The following DPP10 variants were observed in gnomAD, a reference collection of about 807,000 sequenced individuals.
DPP10 encodes the protein inactive dipeptidyl peptidase 10.
A neutral mutation model predicts 120.9 loss-of-function variants in DPP10; 33 were observed. The ratio of observed to expected loss-of-function variants is 0.27; its 90% confidence interval spans 0.21 to 0.37. The LOEUF is 0.37. Ranked by LOEUF, DPP10 falls within the 10% of genes least tolerant of loss-of-function variation. DPP10 has a pLI of 1.00. For missense variants in DPP10, 816 were observed against 942.8 expected (o/e 0.87, Z 1.76); for synonymous variants, 337 against 326.1 (o/e 1.03, Z -0.36).
chr2:115,289,347 G>A lies in DPP10; in HGVS notation c.61-19892G>A, dbSNP rs1031234332. On this transcript the variant is annotated intron_variant, in intron 1 of 25. Transcript: ENST00000410059. ...GAAAAGCATCCCATGCTCATGCATT[G>A]GAAGAATCAATATTGTGAAAATGGC... Among the ~76,000 whole-genome samples the A allele has an allele frequency of 4.0e-5, 6 of 151,868 alleles. 1 individual carries two copies. The highest frequency in any genetic ancestry group is 1.5e-4 in the African/African-American group (6 of 41,364).
At position 114,455,156 on chromosome 2, in the gene DPP10, T is replaced by TTTTGTGTG. The variant is rs1553443770; in HGVS notation, c.60+12319_60+12320insTTGTGTGT. On this transcript the variant is annotated intron_variant, in intron 1 of 25. Coordinates refer to ENST00000410059, the MANE Select transcript of DPP10 (RefSeq NM_020868.6). ...GTTTTTTCAAGGGATTTTCTTTCTATTGTGTGTGTGTGTGTGTGTGTGTGT... is the reference window on the plus strand; with the variant it reads ...GTTTTTTCAAGGGATTTTCTTTCTATTTTGTGTGTGTGTGTGTGTGTGTGTGTGTGTGT... Among the ~76,000 whole-genome samples, 1,106 of 147,490 alleles carry TTTTGTGTG rather than the reference T, an allele frequency of 7.5e-3. 14 individuals are homozygous for TTTTGTGTG. The highest frequency in any genetic ancestry group is 0.026 in the African/African-American group (1,035 of 39,910).
chr2:115,777,228 C>G lies in DPP10; in HGVS notation c.1242C>G (p.Thr414=), dbSNP rs201691746. 6.2e-7 allele frequency: 1 copy of G among 1,612,754 alleles called. No individual in the cohort carries two copies. Among genetic ancestry groups the G allele is most frequent in the Admixed American group, 1.7e-5 (1 of 59,874 alleles). ...TGCAGAGTAAAAGTGAGCAAATTAC[C>G]GTGCGGCATCTGACATCAGGAAACT... is the stretch of plus-strand genomic sequence containing the variant. ...FLIQSKSEQI[T]VRHLTSGNWE... The change falls in exon 14 of 26, where the codon ACC becomes ACG. Residue 414 remains threonine, a synonymous_variant. Transcript: ENST00000410059.
intron 5 of DPP10, among the ~76,000 whole-genome samples, chr2:115,592,780 A>G (rs1461109086): frequency 6.6e-6 from 1 of 151,856 alleles, no homozygotes; most frequent in Non-Finnish European, 1.5e-5. Context: ...AAGAAAGAAA[A>G]AAGAAAGAAA....
intron 1 of DPP10, among the ~76,000 whole-genome samples, chr2:115,283,845 C>T (rs2060258389): frequency 6.6e-6 from 1 of 151,920 alleles, no homozygotes; most frequent in Non-Finnish European, 1.5e-5. Flanking sequence ...AAGTACTTAC[C>T]AAGTGTTACA....
rs2073569534 is a variant in DPP10 at position 115,456,650 on chromosome 2, G to A, written c.272-42860G>A. Among the ~76,000 whole-genome samples, 3 of 152,106 alleles carry A rather than the reference G, an allele frequency of 2.0e-5. No individual in the cohort carries two copies. The South Asian group carries it at 6.2e-4, about 32-fold the overall frequency. Reference sequence around the variant, plus strand: ...CAGCCATAAAAAACGATGAGTTCCTGTCCTTTGGAGGGACATGGATGAAGC... The same window carrying A: ...CAGCCATAAAAAACGATGAGTTCCTATCCTTTGGAGGGACATGGATGAAGC... On this transcript the variant is annotated intron_variant, in intron 3 of 25. Coordinates refer to ENST00000410059, the MANE Select transcript of DPP10 (RefSeq NM_020868.6).
chr2:114,864,305 C>T (rs544223031), intron 1 of DPP10, among the ~76,000 whole-genome samples: 3 of 152,168 alleles, frequency 2.0e-5, no homozygotes, highest in Non-Finnish European at 2.9e-5. Flanking sequence ...TATCCAGGCA[C>T]TGCTCCAGCT....
At chr2:115,345,170 A>G (rs150117872) in intron 3 of DPP10, among the ~76,000 whole-genome samples, 4 of 152,326 alleles carry the variant, frequency 2.6e-5, no homozygotes, top group Non-Finnish European at 4.4e-5. Flanking sequence ...ATTGAAATCA[A>G]TTGGAAGATA....
intron 1 of DPP10, among the ~76,000 whole-genome samples, chr2:115,027,184 T>G (rs2105216917): frequency 6.6e-6 from 1 of 152,326 alleles, no homozygotes; most frequent in Non-Finnish European, 1.5e-5. Context: ...ATGTTGGTTT[T>G]TGTATCCTGC....
At chr2:115,774,051 TG>T (rs1276689185) in intron 13 of DPP10, among the ~76,000 whole-genome samples, 1 of 152,106 alleles carries the variant, frequency 6.6e-6, no homozygotes, top group Non-Finnish European at 1.5e-5. Flanking sequence ...AGAGATCTTT[TG>T]GTCCTACACT....
At chr2:115,093,798 G>A (rs185047287) in intron 1 of DPP10, among the ~76,000 whole-genome samples, 3 of 152,128 alleles carry the variant, frequency 2.0e-5, no homozygotes, top group Admixed American at 2.0e-4. Flanking sequence ...GTATTTTATT[G>A]TTCTGCTAAA....
intron 5 of DPP10, among the ~76,000 whole-genome samples, chr2:115,682,785 G>T (rs927256856): frequency 2.0e-5 from 3 of 151,762 alleles, no homozygotes; most frequent in Admixed American, 6.6e-5. Flanking sequence ...AAATAAAAAC[G>T]TGTACTTCAT....
At chr2:115,532,134 C>G (rs2078507740) in intron 5 of DPP10, among the ~76,000 whole-genome samples, 1 of 151,968 alleles carries the variant, frequency 6.6e-6, no homozygotes, top group South Asian at 2.1e-4. Context: ...TCTTTGACAC[C>G]TATTTCAAAA....
At chr2:115,374,775 T>G (rs562356661) in intron 3 of DPP10, among the ~76,000 whole-genome samples, 2 of 152,200 alleles carry the variant, frequency 1.3e-5, no homozygotes, top group African/African-American at 4.8e-5. Context: ...TTGCACCCTC[T>G]GAACCAATGA....
At chr2:114,930,607 A>G (rs1695996739) in intron 1 of DPP10, among the ~76,000 whole-genome samples, 1 of 152,210 alleles carries the variant, frequency 6.6e-6, no homozygotes, top group Non-Finnish European at 1.5e-5. Context: ...AATTTTCATC[A>G]CAACCATTGT....
chr2:114,530,207 TATAAA>T lies in DPP10; in HGVS notation c.60+87374_60+87378del, dbSNP rs550269896. Among the ~76,000 whole-genome samples, 191 of 152,318 alleles carry T rather than the reference TATAAA, an allele frequency of 1.3e-3. 1 individual carries two copies. The highest frequency in any genetic ancestry group is 4.3e-3 in the African/African-American group (177 of 41,578). ...TAATTACATAGAATTGTTTCATTGATATAAAATAAGTTCCAGTGTGTGTGGAAGGA... is the reference window on the plus strand; with the variant it reads ...TAATTACATAGAATTGTTTCATTGATATAAGTTCCAGTGTGTGTGGAAGGA... On this transcript the variant is annotated intron_variant, in intron 1 of 25. Coordinates refer to ENST00000410059, the MANE Select transcript of DPP10 (RefSeq NM_020868.6).
rs1026378871 is a variant in DPP10 at position 115,403,153 on chromosome 2, GA to G, written c.271+59249del. Among the ~76,000 whole-genome samples, 235 of 150,326 alleles carry G rather than the reference GA, an allele frequency of 1.6e-3. 1 individual carries two copies. The highest frequency in any genetic ancestry group is 2.7e-3 in the Non-Finnish European group (180 of 67,540). ...ATGTGATGCACCACTTTAACAAAAT[GA>G]AAAAAAATGAGAAGATGCAGAAAAA... On this transcript the variant is annotated intron_variant, in intron 3 of 25. Transcript: ENST00000410059.
chr2:114,589,412 T>A (rs1691272114), intron 1 of DPP10, among the ~76,000 whole-genome samples: 1 of 152,178 alleles, frequency 6.6e-6, no homozygotes, highest in African/African-American at 2.4e-5. Flanking sequence ...ACGTGAATTC[T>A]GCTATTACAG....
In DPP10 at chr2:114,932,762, T is replaced by A. The variant is rs78190451; in HGVS notation, c.61-376477T>A. On this transcript the variant is annotated intron_variant, in intron 1 of 25. Coordinates refer to ENST00000410059, the MANE Select transcript of DPP10 (RefSeq NM_020868.6). ...TGGTGTATTTAGATGTATACATTTA[T>A]ACATGTGTTCATTTAAGATTAATAC... 3.2e-3 allele frequency among the ~76,000 whole-genome samples: 484 copies of A among 152,330 alleles called. 1 individual carries two copies. Among genetic ancestry groups the A allele is most frequent in the African/African-American group, 0.011 (473 of 41,582 alleles).
chr2:115,509,949 T>G (rs1174588895), intron 4 of DPP10, among the ~76,000 whole-genome samples: 3 of 152,210 alleles, frequency 2.0e-5, no homozygotes, highest in Non-Finnish European at 2.9e-5. Flanking sequence ...ATTCCCTTAA[T>G]TTATTGATGA....
Sources: gnomAD v4.1 joint callset for allele counts (sites outside exome capture counted in the v4.1 genomes callset) on GRCh38, gnomAD v4.1.1 for gene constraint, MANE v1.5 for transcripts, NCBI Gene and HGNC (gene_info 2026-07-23, HGNC 2026-07-21) for gene names.